The following PPIA variants were observed in gnomAD, a reference collection of about 807,000 sequenced individuals.
PPIA encodes the protein peptidyl-prolyl cis-trans isomerase A.
Under a neutral mutation model 15.3 loss-of-function variants are expected in PPIA, and 2 were observed. The observed-to-expected ratio is 0.13, with a 90% CI of 0.05 to 0.41. PPIA has a LOEUF of 0.41. Among genes scored for constraint, PPIA ranks in the 10% least tolerant of loss-of-function variants. The pLI is 0.99. For missense variants in PPIA, 103 were observed against 210.3 expected, an observed-to-expected ratio of 0.49 and a Z score of 3.16; for synonymous variants, 67 against 73.1, an observed-to-expected ratio of 0.92 and a Z score of 0.43.
At chr7:44,800,149 C>A (rs941784207) in intron 4 of PPIA, 3 of 448,538 alleles carry the variant, frequency 6.7e-6, no homozygotes, top group Non-Finnish European at 1.2e-5. Flanking sequence ...AGTGCAGTGG[C>A]ACAATCTGGG....
chr7:44,798,094 A>C (rs1393195654), intron 1 of PPIA: 1 of 152,186 alleles, frequency 6.6e-6, no homozygotes, highest in Non-Finnish European at 1.5e-5. Context: ...ATGAGAAAGG[A>C]CTTGCAGGTC....
At chr7:44,801,118 A>G (rs540303714) in intron 4 of PPIA, among the ~76,000 whole-genome samples, 169 bp from the exon 5 acceptor site, 204 of 151,760 alleles carry the variant, frequency 1.3e-3, no homozygotes, top group Non-Finnish European at 2.5e-3. Flanking sequence ...CACCCGGCCT[A>G]TATGTGTAAC....
intron 1 of PPIA, chr7:44,798,704 C>T: frequency 1.0e-6 from 1 of 972,970 alleles, no homozygotes; most frequent in Non-Finnish European, 1.2e-6. Context: ...GGTTCAAAAC[C>T]AGATATACTA....
chr7:44,801,139 T>C, intron 4 of PPIA, 148 bp from the exon 5 acceptor site: 2 of 994,220 alleles, frequency 2.0e-6, no homozygotes, highest in South Asian at 1.5e-5. Flanking sequence ...TCTTTAATGG[T>C]AATTGGAGAA....
intron 4 of PPIA, chr7:44,800,403 T>TTG (rs1196015545): frequency 1.3e-5 from 2 of 155,106 alleles, no homozygotes; most frequent in East Asian, 3.9e-4. Flanking sequence ...AAGTGCTTTT[T>TTG]TTTTTTTTTT....
In PPIA at chr7:44,797,669, T is replaced by G. The variant is rs377412687; in HGVS notation, c.69+876T>G. Among the ~76,000 whole-genome samples the G allele has an allele frequency of 7.2e-5, 11 of 152,320 alleles. No individual in the cohort carries two copies. In the East Asian group the frequency reaches 1.7e-3, roughly 24 times the overall value. ...ATTAGTTTTGAGAGCGTTAAATGAG[T>G]TCTTAAAGATCAGTTGTAATTATAG... On this transcript the variant is annotated intron_variant, in intron 1 of 4. Transcript: ENST00000468812.
rs771817525 is a variant in PPIA, at chr7:44,801,316, A to G, written c.392A>G (p.Lys131Arg). ...WLDGKHVVFGKVKEGMNIVEA... is the reference protein window; with the variant it reads ...WLDGKHVVFGRVKEGMNIVEA... ...GATGGCAAGCATGTGGTGTTTGGCA[A>G]AGTGAAAGAAGGCATGAATATTGTG... Residue 131 changes from lysine (K) to arginine (R), a missense_variant, in exon 5 of 5, where the codon AAA becomes AGA. Lys to Arg is a conservative substitution (Grantham distance 26). Coordinates refer to ENST00000468812, the MANE Select transcript of PPIA (RefSeq NM_021130.5). 9.5e-5 allele frequency: 153 copies of G among 1,613,164 alleles called. No homozygotes were observed. Among genetic ancestry groups the G allele is most frequent in the Non-Finnish European group, 1.2e-4 (147 of 1,179,698 alleles).
At chr7:44,799,006 G>A in intron 1 of PPIA, 1 of 1,166,998 alleles carries the variant, frequency 8.6e-7, no homozygotes, top group East Asian at 3.1e-5. Flanking sequence ...ACACTTTCTA[G>A]AAGTCTCACT....
At chr7:44,799,164 T>C in intron 1 of PPIA, 83 bp from the exon 2 acceptor site, 1 of 1,431,266 alleles carries the variant, frequency 7.0e-7, no homozygotes. Context: ...AGAAAATGAA[T>C]TTATGACTCA....
chr7:44,800,374 C>A, intron 4 of PPIA: 1 of 158,980 alleles, frequency 6.3e-6, no homozygotes. Context: ...CAGGCATGAG[C>A]CACTGCGCCC....
At chr7:44,798,814 GGTA>G (rs753375628) in intron 1 of PPIA, 59 of 995,862 alleles carry the variant, frequency 5.9e-5, no homozygotes, top group Non-Finnish European at 6.9e-5. Flanking sequence ...ACAGATTGGA[GGTA>G]GTAGCATTTT....
In PPIA at chr7:44,796,807, C is replaced by T. The variant is rs755877415; in HGVS notation, c.69+14C>T. On this transcript the variant is annotated intron_variant, in intron 1 of 4. Transcript: ENST00000468812. ...GTCTCCTTTGAGGTCGGGCGGGCGG[C>T]GGCGTGCGGGAATGGGGCCCAGAAA... 5 of 1,594,736 alleles carry T rather than the reference C, an allele frequency of 3.1e-6. No individual in the cohort carries two copies. Among genetic ancestry groups the T allele is most frequent in the Non-Finnish European group, 1.7e-6 (2 of 1,170,932 alleles).
At position 44,799,856 on chromosome 7, in the gene PPIA, G is replaced by C. The variant is rs1192434801; in HGVS notation, c.344G>C (p.Cys115Ser). 3.7e-6 allele frequency: 6 copies of C among 1,611,454 alleles called. No individual in the cohort carries two copies. The highest frequency in any genetic ancestry group is 5.1e-6 in the Non-Finnish European group (6 of 1,179,982). The change falls in exon 4 of 5, where the codon TGC becomes TCC. Residue 115 changes from cysteine to serine, a missense_variant. Coordinates refer to ENST00000468812, the MANE Select transcript of PPIA (RefSeq NM_021130.5). ...PNTNGSQFFI[C>S]TAKTEWLDGK... ...ACAAATGGTTCCCAGTTTTTCATCTGCACTGCCAAGACTGAGTGGTAAGGG... is the reference window on the plus strand; with the variant it reads ...ACAAATGGTTCCCAGTTTTTCATCTCCACTGCCAAGACTGAGTGGTAAGGG...
chr7:44,799,858 A>G lies in PPIA; in HGVS notation c.346A>G (p.Thr116Ala). The G allele has an allele frequency of 6.2e-7, 1 of 1,611,334 alleles. No homozygotes were observed. The highest frequency in any genetic ancestry group is 2.2e-5 in the East Asian group (1 of 44,888). ...AAATGGTTCCCAGTTTTTCATCTGC[A>G]CTGCCAAGACTGAGTGGTAAGGGTA... ...NTNGSQFFIC[T>A]AKTEWLDGKH... Residue 116 changes from threonine (T) to alanine (A), a missense_variant, in exon 4 of 5, where the codon ACT becomes GCT. Coordinates refer to ENST00000468812, the MANE Select transcript of PPIA (RefSeq NM_021130.5).
At chr7:44,798,890 T>C (rs1792461586) in intron 1 of PPIA, 1 of 1,055,744 alleles carries the variant, frequency 9.5e-7, no homozygotes, top group Non-Finnish European at 1.1e-6. Context: ...TTGCTGTTCC[T>C]TAGAATTTTG....
chr7:44,799,814 C>T lies in PPIA; in HGVS notation c.302C>T (p.Ala101Val). The T allele has an allele frequency of 6.2e-7, 1 of 1,613,462 alleles. No homozygotes were observed. The highest frequency in any genetic ancestry group is 8.5e-7 in the Non-Finnish European group (1 of 1,179,954). Residue 101 changes from alanine (A) to valine (V), a missense_variant, in exon 4 of 5, where the codon GCA (alanine) becomes GTA (valine). Coordinates refer to ENST00000468812, the MANE Select transcript of PPIA (RefSeq NM_021130.5). ...ACGGGTCCTGGCATCTTGTCCATGG[C>T]AAATGCTGGACCCAACACAAATGGT... The part of the protein sequence containing the change: ...KHTGPGILSM[A>V]NAGPNTNGSQ...
In PPIA at chr7:44,801,481, C is replaced by T. The variant is rs996567587; in HGVS notation, c.*59C>T. 6 of 1,271,862 alleles carry T rather than the reference C, an allele frequency of 4.7e-6. No individual in the cohort carries two copies. Among genetic ancestry groups the T allele is most frequent in the Non-Finnish European group, 6.7e-6 (6 of 897,736 alleles). The allele number at this position is 1,271,862 out of a possible 1,614,324, so 78.8% of individuals were successfully genotyped here. On this transcript the variant is annotated 3_prime_UTR_variant, in exon 5 of 5. Coordinates refer to ENST00000468812, the MANE Select transcript of PPIA (RefSeq NM_021130.5). The stretch of plus-strand genomic sequence containing the variant: ...ATTCCTTCTGTAGCTCAGGAGAGCA[C>T]CCCTCCACCCCATTTGCTCGCAGTA...
rs1030992773 is a variant in PPIA, at chr7:44,800,020, C to T, written c.362+146C>T. On this transcript the variant is annotated intron_variant, in intron 4 of 4. Coordinates refer to ENST00000468812, the MANE Select transcript of PPIA (RefSeq NM_021130.5). ...CTAGAAGAAGAGCATACATAAACGA[C>T]AAATATAGCCAATGTGATACAGAAT... 1.3e-5 allele frequency: 10 copies of T among 780,428 alleles called. No individual in the cohort carries two copies. In the Admixed American group the frequency reaches 2.2e-4, roughly 17 times the overall value. The allele number at this position is 780,428 out of a possible 1,614,324, so 48.3% of individuals were successfully genotyped here.
At chr7:44,798,485 C>G (rs1792448302) in intron 1 of PPIA, 1 of 153,816 alleles carries the variant, frequency 6.5e-6, no homozygotes, top group Admixed American at 6.6e-5. Flanking sequence ...TGCACTCCAG[C>G]CTGGTGACAG....
Sources: gnomAD v4.1 joint callset for allele counts (sites outside exome capture counted in the v4.1 genomes callset) on GRCh38, gnomAD v4.1.1 for gene constraint, MANE v1.5 for transcripts, NCBI Gene and HGNC (gene_info 2026-07-23, HGNC 2026-07-21) for gene names.